Variants in CHRNA10 observed in about 807,000 individuals in gnomAD.
CHRNA10 encodes the protein neuronal acetylcholine receptor subunit alpha-10.
CHRNA10 carries 31 observed loss-of-function variants against 36.0 expected under a neutral mutation model. The observed-to-expected ratio is 0.86, with a 90% CI of 0.65 to 1.16. CHRNA10 has a LOEUF of 1.16. Among genes scored for constraint, CHRNA10 ranks in the 50% most tolerant of loss-of-function variants. The pLI, the probability that CHRNA10 is intolerant of heterozygous loss-of-function variation, is 0.00. For missense variants in CHRNA10, 648 were observed against 640.9 expected (o/e 1.01, Z -0.12); for synonymous variants, 302 against 287.0 (o/e 1.05, Z -0.53).
rs888647871 is a variant in CHRNA10, at chr11:3,667,364, G to C, written c.763C>G (p.Pro255Ala). The C allele has an allele frequency of 3.1e-6, 5 of 1,601,410 alleles. No individual in the cohort carries two copies. The highest frequency in any genetic ancestry group is 4.2e-6 in the Non-Finnish European group (5 of 1,178,600). The change falls in exon 4 of 5, where the codon CCG (proline) becomes GCG (alanine). Residue 255 changes from proline to alanine, a missense_variant. Pro to Ala is a conservative substitution (Grantham distance 27). Transcript: ENST00000250699. Reference protein sequence around the residue: ...LPCVLISLLAPLAFHLPADSG... With the variant: ...LPCVLISLLAALAFHLPADSG... ...TCGGCAGGCAGGTGGAAGGCGAGCG[G>C]CGCAAGCAGCGAGATGAGCACGCAG...
Position 3,667,655 on chromosome 11 carries a change from C to T in CHRNA10, c.472G>A (p.Val158Ile). The T allele has an allele frequency of 6.4e-7, 1 of 1,561,156 alleles. No homozygotes were observed. The highest frequency in any genetic ancestry group is 8.6e-7 in the Non-Finnish European group (1 of 1,158,466). The change falls in exon 4 of 5, where the codon GTA (valine) becomes ATA (isoleucine). Residue 158 changes from valine to isoleucine, a missense_variant. Physicochemically the swap from Val to Ile is conservative, Grantham distance 29. Transcript: ENST00000250699. ...AITRSSCRVD[V>I]AAFPFDAQHC... The stretch of plus-strand genomic sequence containing the variant: ...TGGGCGTCGAACGGGAAGGCTGCTA[C>T]ATCCACGCGGCACGAGCTGCGCGTG...
At chr11:3,670,899 CT>C (rs2077708572) in intron 1 of CHRNA10, among the ~76,000 whole-genome samples, 1 of 152,350 alleles carries the variant, frequency 6.6e-6, no homozygotes, top group South Asian at 2.1e-4. Context: ...CAGGACCACG[CT>C]TTTAAGCATG....
intron 1 of CHRNA10, among the ~76,000 whole-genome samples, chr11:3,670,894 C>T (rs996132855): frequency 6.6e-6 from 1 of 152,216 alleles, no homozygotes; most frequent in African/African-American, 2.4e-5. Flanking sequence ...TGCCCCAGGA[C>T]CACGCTTTTA....
intron 1 of CHRNA10, among the ~76,000 whole-genome samples, chr11:3,670,873 T>A (rs932888237): frequency 4.6e-5 from 7 of 152,202 alleles, no homozygotes; most frequent in African/African-American, 1.4e-4. Context: ...CACCTTCTTC[T>A]ACCCCTCCCA....
rs1399768480 is a variant in CHRNA10 at position 3,671,324 on chromosome 11, T to TA, written c.-13_-12insT. The TA allele has an allele frequency of 6.2e-7, 1 of 1,613,882 alleles. No individual in the cohort carries two copies. Reference sequence around the variant, plus strand: ...CTCCGGAGCCCCATGGCCCTGGCACTGCAAGAGCGGGGGCAGGTCTCTGGA... The same window carrying TA: ...CTCCGGAGCCCCATGGCCCTGGCACTAGCAAGAGCGGGGGCAGGTCTCTGGA... On this transcript the variant is annotated 5_prime_UTR_variant, in exon 1 of 5. Coordinates refer to ENST00000250699, the MANE Select transcript of CHRNA10 (RefSeq NM_020402.4).
At position 3,671,379 on chromosome 11, in the gene CHRNA10, A is replaced by G; in HGVS notation, c.-67T>C. 1 of 1,511,988 alleles carries G rather than the reference A, an allele frequency of 6.6e-7. No homozygotes were observed. The highest frequency in any genetic ancestry group is 1.1e-5 in the South Asian group (1 of 88,526). The allele number at this position is 1,511,988 out of a possible 1,614,324, so 93.7% of individuals were successfully genotyped here. On this transcript the variant is annotated 5_prime_UTR_variant, in exon 1 of 5. Transcript: ENST00000250699. Reference sequence around the variant, plus strand: ...AGGCCTCCTGGCCAGACCTAGGGCAAAATTAGGCCCAGCTGGCAAGGATGG... The same window carrying G: ...AGGCCTCCTGGCCAGACCTAGGGCAGAATTAGGCCCAGCTGGCAAGGATGG...
chr11:3,671,204 T>A (rs1312949751), intron 1 of CHRNA10, 48 bp downstream of exon 1: 3 of 1,571,970 alleles, frequency 1.9e-6, no homozygotes, highest in African/African-American at 2.7e-5. Context: ...AGAACAGGAA[T>A]AGTAGCACCA....
In CHRNA10 at chr11:3,666,510, A is replaced by C. The variant is rs2077663167; in HGVS notation, c.950T>G (p.Ile317Ser). Reference sequence around the variant, plus strand: ...ACAGTAATGCAGGTTCATGATAAGGATGGTGAGTGCTGTTGAGAATGTGAC... The same window carrying C: ...ACAGTAATGCAGGTTCATGATAAGGCTGGTGAGTGCTGTTGAGAATGTGAC... ...TMVTFSTALT[I>S]LIMNLHYCGP... Residue 317 changes from isoleucine (I) to serine (S), a missense_variant, in exon 5 of 5, where the codon ATC becomes AGC. Ile to Ser is a moderately radical substitution (Grantham distance 142, BLOSUM62 -2). Coordinates refer to ENST00000250699, the MANE Select transcript of CHRNA10 (RefSeq NM_020402.4). 6.3e-7 allele frequency: 1 copy of C among 1,597,832 alleles called. No individual in the cohort carries two copies. Among genetic ancestry groups the C allele is most frequent in the African/African-American group, 1.3e-5 (1 of 74,558 alleles).
chr11:3,666,485 A>G lies in CHRNA10; in HGVS notation c.975T>C (p.Cys325=), dbSNP rs1386642240. ...CTGGCACTGGGCGGACACTGGGACC[A>G]CAGTAATGCAGGTTCATGATAAGGA... ...LTILIMNLHY[C]GPSVRPVPAW... is the part of the protein sequence containing the mutation. Residue 325 remains cysteine (C), a synonymous_variant, in exon 5 of 5, where the codon TGT becomes TGC. Transcript: ENST00000250699. 4 of 1,609,364 alleles carry G rather than the reference A, an allele frequency of 2.5e-6. No homozygotes were observed. The African/African-American group carries it at 5.3e-5, about 22-fold the overall frequency.
In CHRNA10 at chr11:3,666,245, G is replaced by T. The variant is rs1210051914; in HGVS notation, c.1215C>A (p.Thr405=). 1 of 1,614,122 alleles carries T rather than the reference G, an allele frequency of 6.2e-7. No individual in the cohort carries two copies. The highest frequency in any genetic ancestry group is 8.5e-7 in the Non-Finnish European group (1 of 1,180,020). ...GCTGGGCAGCTCGGTGGCTGCGGAA[G>T]GTATTGGCAATGGTGGCTACGTGGT... The part of the protein sequence containing the change: ...LLHHVATIAN[T]FRSHRAAQRC... Residue 405 remains threonine (T), a synonymous_variant, in exon 5 of 5, where the codon ACC becomes ACA. Transcript: ENST00000250699.
At chr11:3,667,127 TCA>T in intron 4 of CHRNA10, 103 bp downstream of exon 4, 1 of 1,422,132 alleles carries the variant, frequency 7.0e-7, no homozygotes, top group South Asian at 1.5e-5. Flanking sequence ...CGCCCCCCTC[TCA>T]CTTTCTGCAG....
chr11:3,671,184 G>A (rs1036635528), intron 1 of CHRNA10, 68 bp downstream of exon 1: 3 of 1,475,388 alleles, frequency 2.0e-6, no homozygotes, highest in African/African-American at 2.8e-5. Flanking sequence ...ACATGGAAAG[G>A]GATTTTGGGA....
chr11:3,670,009 A>T, intron 1 of CHRNA10, 68 bp from the exon 2 acceptor site: 1 of 1,571,210 alleles, frequency 6.4e-7, no homozygotes, highest in Non-Finnish European at 8.7e-7. Context: ...CACACCCTCC[A>T]CTCCCAGGGC....
At position 3,667,704 on chromosome 11, in the gene CHRNA10, G is replaced by C. The variant is rs147957618; in HGVS notation, c.423C>G (p.Ala141=). The C allele has an allele frequency of 2.5e-6, 4 of 1,573,776 alleles. No individual in the cohort carries two copies. The highest frequency in any genetic ancestry group is 2.6e-6 in the Non-Finnish European group (3 of 1,166,898). Residue 141 remains alanine (A), a synonymous_variant, in exon 4 of 5, where the codon GCC becomes GCG. Coordinates refer to ENST00000250699, the MANE Select transcript of CHRNA10 (RefSeq NM_020402.4). ...TGATGGCCGGCGCGTCCCAGCGCAC[G>C]GCGCCATCGTGGCGCAGGACCACGT... The part of the protein sequence containing the change: ...STNVVLRHDG[A]VRWDAPAITR...
intron 4 of CHRNA10, 60 bp from the exon 5 acceptor site, chr11:3,666,624 C>T: frequency 7.8e-7 from 1 of 1,290,208 alleles, no homozygotes; most frequent in Non-Finnish European, 1.1e-6. Flanking sequence ...CCTGAGCTTC[C>T]CAGCCACCTC....
chr11:3,669,671 A>C (rs974587678), intron 2 of CHRNA10, 125 bp downstream of exon 2: 1 of 1,311,976 alleles, frequency 7.6e-7, no homozygotes, highest in Non-Finnish European at 1.1e-6. Flanking sequence ...TGTAACTGCT[A>C]CCTTTGTTAA....
chr11:3,670,282 C>T (rs2672214), intron 1 of CHRNA10, among the ~76,000 whole-genome samples: 95,269 of 151,980 alleles, frequency 0.63, 30,721 homozygotes, highest in Admixed American at 0.77. Flanking sequence ...GGATTCTAAA[C>T]CCCACTGCTC....
chr11:3,667,791 C>G, intron 3 of CHRNA10, 27 bp from the exon 4 acceptor site: 1 of 1,460,902 alleles, frequency 6.8e-7, no homozygotes, highest in Non-Finnish European at 9.0e-7. Flanking sequence ...CAGGGCTCAC[C>G]TAGGCTGTCC....
chr11:3,668,431 T>A (rs988163120), intron 3 of CHRNA10: 1 of 152,230 alleles, frequency 6.6e-6, no homozygotes, highest in Non-Finnish European at 1.5e-5. Context: ...GAGAATTGCG[T>A]GAACCCGGGA....
Sources: gnomAD v4.1 joint callset for allele counts (sites outside exome capture counted in the v4.1 genomes callset) on GRCh38, gnomAD v4.1.1 for gene constraint, MANE v1.5 for transcripts, NCBI Gene and HGNC (gene_info 2026-07-23, HGNC 2026-07-21) for gene names.